The following FAM163B variants were observed in gnomAD, a reference collection of about 807,000 sequenced individuals.
FAM163B encodes the protein protein FAM163B.
FAM163B carries 4 observed loss-of-function variants against 7.6 expected under a neutral mutation model. The ratio of observed to expected loss-of-function variants is 0.52; its 90% CI spans 0.26 to 1.20. The LOEUF (loss-of-function observed/expected upper bound fraction) is 1.20. Among genes scored for constraint, FAM163B ranks in the 50% most tolerant of loss-of-function variants. FAM163B has a pLI of 0.14. For missense variants in FAM163B, 250 were observed against 243.0 expected, an observed-to-expected ratio of 1.03 and a Z score of -0.19; for synonymous variants, 120 against 111.6, an observed-to-expected ratio of 1.07 and a Z score of -0.47.
chr9:133,602,621 G>T (rs994442198), intron 1 of FAM163B, among the ~76,000 whole-genome samples: 2 of 152,038 alleles, frequency 1.3e-5, no homozygotes, highest in Admixed American at 1.3e-4. Context: ...TTTAAATAGA[G>T]ATCTGTTCAG....
At chr9:133,584,365 C>T (rs1199931552) in intron 1 of FAM163B, among the ~76,000 whole-genome samples, 1 of 152,136 alleles carries the variant, frequency 6.6e-6, no homozygotes, top group Non-Finnish European at 1.5e-5. Context: ...TCCCTGGGTT[C>T]AGTTTTCTTA....
rs1373634287 is a variant in FAM163B, at chr9:133,600,123, T to A, written c.-24+8954A>T. ...TCTGAATGTGTGTGGTCTATGTGTA[T>A]GTGTGTCTGTGTGCGTGTGTGAATG... On this transcript the variant is annotated intron_variant, in intron 1 of 2. Transcript: ENST00000673969. This position sits in a 1 kb window ranked among gnomAD's most constrained non-coding sequence, Gnocchi z 4.9. Among the ~76,000 whole-genome samples, 3 of 151,092 alleles carry A rather than the reference T, an allele frequency of 2.0e-5. No homozygotes were observed. Among genetic ancestry groups the A allele is most frequent in the African/African-American group, 7.3e-5 (3 of 40,994 alleles).
chr9:133,591,276 C>G (rs770275190), intron 1 of FAM163B, among the ~76,000 whole-genome samples: 23 of 152,248 alleles, frequency 1.5e-4, no homozygotes, highest in Non-Finnish European at 2.9e-4. Context: ...TCCATCACAG[C>G]AGGCTTTGTA....
At chr9:133,596,993 A>T (rs1324117512) in intron 1 of FAM163B, among the ~76,000 whole-genome samples, 5 of 152,228 alleles carry the variant, frequency 3.3e-5, no homozygotes, top group Non-Finnish European at 7.3e-5. Context: ...AAAGGATCAA[A>T]CTATTTCCCA....
rs1831703358 is a variant in FAM163B at position 133,600,263 on chromosome 9, G to C, written c.-24+8814C>G. 7.7e-5 allele frequency among the ~76,000 whole-genome samples: 1 copy of C among 13,030 alleles called. No individual in the cohort carries two copies. The highest frequency in any genetic ancestry group is 5.7e-4 in the Admixed American group (1 of 1,756). 8.5% of individuals were successfully genotyped at this position (13,030 alleles called of 152,430 possible). A position where few individuals can be genotyped will look rare whatever the true frequency, so the allele number is the denominator to read the frequency against. ...GTGCATGTGTGTGAGTGTGGTCTGTGTGTGTGTGTGTGTGTGTGTGTGTGT... is the reference window on the plus strand; with the variant it reads ...GTGCATGTGTGTGAGTGTGGTCTGTCTGTGTGTGTGTGTGTGTGTGTGTGT... On this transcript the variant is annotated intron_variant, in intron 1 of 2. Coordinates refer to ENST00000673969, the MANE Select transcript of FAM163B (RefSeq NM_001080515.3). This position sits in a 1 kb window ranked among gnomAD's most constrained non-coding sequence, Gnocchi z 4.9.
At chr9:133,588,990 C>G (rs1446566030) in intron 1 of FAM163B, among the ~76,000 whole-genome samples, 3 of 152,142 alleles carry the variant, frequency 2.0e-5, no homozygotes, top group African/African-American at 7.2e-5. Flanking sequence ...GCTCGTGGTT[C>G]AGGCCCCGTC....
At chr9:133,603,526 C>G (rs1389738341) in intron 1 of FAM163B, among the ~76,000 whole-genome samples, 1 of 152,222 alleles carries the variant, frequency 6.6e-6, no homozygotes, top group African/African-American at 2.4e-5. Context: ...AGTGGCCCAG[C>G]CTGTTCTCTC....
chr9:133,582,061 C>T (rs1444418712), intron 1 of FAM163B, among the ~76,000 whole-genome samples: 1 of 152,196 alleles, frequency 6.6e-6, no homozygotes, highest in Admixed American at 6.5e-5. Context: ...TAGCATGCGG[C>T]CTGCAGAGGG....
At position 133,600,302 on chromosome 9, in the gene FAM163B, T is replaced by C. The variant is rs1831704674; in HGVS notation, c.-24+8775A>G. Among the ~76,000 whole-genome samples, 1 of 150,582 alleles carries C rather than the reference T, an allele frequency of 6.6e-6. No individual in the cohort carries two copies. The highest frequency in any genetic ancestry group is 6.6e-5 in the Admixed American group (1 of 15,076). On this transcript the variant is annotated intron_variant, in intron 1 of 2. Coordinates refer to ENST00000673969, the MANE Select transcript of FAM163B (RefSeq NM_001080515.3). The surrounding 1 kb of genome is among the most constrained non-coding windows in gnomAD (Gnocchi z 4.9). ...GTGTGTGTGTGTGTGTGTGTAGTGC[T>C]GAGAGTGGATGAAGAGCAGCATGCA...
rs747507929 is a variant in FAM163B, at chr9:133,579,005, C to CCGGGGG, written c.*11_*16dup. ...TCTCAGGACCTTCAAGGCCAGGATCCCGGGGGCGGGCCCAGGTCACACGTC... is the reference window on the plus strand; with the variant it reads ...TCTCAGGACCTTCAAGGCCAGGATCCCGGGGGCGGGGGCGGGCCCAGGTCACACGTC... On this transcript the variant is annotated 3_prime_UTR_variant, in exon 3 of 3. Coordinates refer to ENST00000673969, the MANE Select transcript of FAM163B (RefSeq NM_001080515.3). 2 of 1,485,458 alleles carry CCGGGGG rather than the reference C, an allele frequency of 1.3e-6. No individual in the cohort carries two copies. The highest frequency in any genetic ancestry group is 2.7e-5 in the South Asian group (2 of 74,972). 92.0% of individuals were successfully genotyped at this position (1,485,458 alleles called of 1,614,324 possible). A position where few individuals can be genotyped will look rare whatever the true frequency, so the allele number is the denominator to read the frequency against.
At chr9:133,598,638 T>C (rs956451986) in intron 1 of FAM163B, among the ~76,000 whole-genome samples, 4 of 151,988 alleles carry the variant, frequency 2.6e-5, no homozygotes, top group Non-Finnish European at 5.9e-5. Context: ...AGGGACCGCT[T>C]TCCCAGGACT....
chr9:133,599,893 G>A (rs1333261896), intron 1 of FAM163B, among the ~76,000 whole-genome samples: 3 of 150,476 alleles, frequency 2.0e-5, no homozygotes, highest in African/African-American at 7.3e-5. Context: ...GCATATGCAT[G>A]TGCAAGTGTG....
chr9:133,590,431 C>T (rs2131240516), intron 1 of FAM163B, among the ~76,000 whole-genome samples: 1 of 152,190 alleles, frequency 6.6e-6, no homozygotes, highest in African/African-American at 2.4e-5. Flanking sequence ...GGGCTGGGGG[C>T]TCCCCGGTGC....
In FAM163B at chr9:133,579,330, C is replaced by G; in HGVS notation, c.193G>C (p.Val65Leu). The G allele has an allele frequency of 6.2e-7, 1 of 1,613,688 alleles. No individual in the cohort carries two copies. Among genetic ancestry groups the G allele is most frequent in the Non-Finnish European group, 8.5e-7 (1 of 1,179,946 alleles). Residue 65 changes from valine to leucine, a missense_variant, in exon 3 of 3, where the codon GTG becomes CTG. Transcript: ENST00000673969. The part of the protein sequence containing the change: ...LPPLHSNRNL[V>L]LTNGPALYPT... ...TAGAGCGCCGGCCCGTTGGTCAGCA[C>G]CAGGTTGCGGTTGGAGTGCAGCGGG...
chr9:133,596,718 C>A (rs1831638321), intron 1 of FAM163B, among the ~76,000 whole-genome samples: 1 of 152,188 alleles, frequency 6.6e-6, no homozygotes, highest in Non-Finnish European at 1.5e-5. Context: ...TGGGGAGGAG[C>A]CTGCTGCTCC....
rs1394181092 is a variant in FAM163B at position 133,601,429 on chromosome 9, A to G, written c.-24+7648T>C. Reference sequence around the variant, plus strand: ...TGAAAGGGTCTGTCTTGCAGGTGAGAGGATTTTTTAGAAACTGGTCATGCT... The same window carrying G: ...TGAAAGGGTCTGTCTTGCAGGTGAGGGGATTTTTTAGAAACTGGTCATGCT... On this transcript the variant is annotated intron_variant, in intron 1 of 2. Transcript: ENST00000673969. The surrounding 1 kb of genome is among the most constrained non-coding windows in gnomAD (Gnocchi z 4.1). 1.3e-5 allele frequency among the ~76,000 whole-genome samples: 2 copies of G among 152,188 alleles called. No individual in the cohort carries two copies. The highest frequency in any genetic ancestry group is 4.8e-5 in the African/African-American group (2 of 41,436).
At chr9:133,592,256 T>C (rs765153089) in intron 1 of FAM163B, among the ~76,000 whole-genome samples, 1 of 152,096 alleles carries the variant, frequency 6.6e-6, no homozygotes, top group African/African-American at 2.4e-5. Context: ...GCTGAGGTGG[T>C]GCCGTGCCCC....
chr9:133,586,154 G>C (rs1214321423), intron 1 of FAM163B: 1 of 152,214 alleles, frequency 6.6e-6, no homozygotes, highest in Admixed American at 6.5e-5. Context: ...GTTGGTCTCC[G>C]AGATGTTATC....
intron 1 of FAM163B, among the ~76,000 whole-genome samples, chr9:133,604,534 T>C (rs150144080): frequency 8.2e-4 from 125 of 152,280 alleles, no homozygotes; most frequent in Admixed American, 2.0e-3. Context: ...GGTTTTTCTC[T>C]TACTGCAAGC....
Sources: gnomAD v4.1 joint callset for allele counts (sites outside exome capture counted in the v4.1 genomes callset) on GRCh38, gnomAD v4.1.1 for gene constraint, Gnocchi (gnomAD v3.1) non-coding constraint, MANE v1.5 for transcripts, NCBI Gene and HGNC (gene_info 2026-07-23, HGNC 2026-07-21) for gene names.